BANK1: variants seen among roughly 807,000 people sequenced by gnomAD.
BANK1 encodes the protein B cell scaffold protein with ankyrin repeats 1, also known as B-cell scaffold protein with ankyrin repeats.
A neutral mutation model predicts 94.5 loss-of-function variants in BANK1; 95 were observed. That is an observed-to-expected ratio of 1.00 (90% CI 0.85 to 1.19). The LOEUF (loss-of-function observed/expected upper bound fraction) is 1.19. Ranked by LOEUF, BANK1 falls within the 50% of genes most tolerant of loss-of-function variation. BANK1 has a pLI of 0.00. For synonymous variants in BANK1, 334 were observed against 308.4 expected (o/e 1.08, Z -0.87); for missense variants, 987 against 932.2 (o/e 1.06, Z -0.77).
chr4:102,017,236 T>TA (rs76217661), intron 7 of BANK1, among the ~76,000 whole-genome samples: 1,857 of 152,326 alleles, frequency 0.012, 34 homozygotes, highest in East Asian at 0.065. Flanking sequence ...ATTTTAATTT[T>TA]TCATTCCATT....
intron 11 of BANK1, among the ~76,000 whole-genome samples, chr4:102,053,593 C>A (rs1728126003): frequency 6.6e-6 from 1 of 151,588 alleles, no homozygotes; most frequent in African/African-American, 2.4e-5. Context: ...GAGAAGATAG[C>A]CATTCTGTCA....
At chr4:101,800,967 A>C (rs1177821686) in intron 1 of BANK1, among the ~76,000 whole-genome samples, 3 of 152,162 alleles carry the variant, frequency 2.0e-5, no homozygotes, top group African/African-American at 7.2e-5. Context: ...CATTTTGGCC[A>C]GGCTGGTCTT....
chr4:102,006,356 C>T (rs967572173), intron 7 of BANK1, among the ~76,000 whole-genome samples: 2 of 151,996 alleles, frequency 1.3e-5, no homozygotes, highest in Non-Finnish European at 2.9e-5. Flanking sequence ...GGTCCCACTT[C>T]TAGAGATTCT....
intron 7 of BANK1, among the ~76,000 whole-genome samples, chr4:101,952,379 G>C (rs888875980): frequency 3.9e-5 from 6 of 152,010 alleles, no homozygotes; most frequent in Non-Finnish European, 8.8e-5. Context: ...TCTAATTACT[G>C]TGACTACCTG....
At chr4:101,938,584 T>G (rs1723647996) in intron 7 of BANK1, among the ~76,000 whole-genome samples, 1 of 151,514 alleles carries the variant, frequency 6.6e-6, no homozygotes, top group South Asian at 2.1e-4. Flanking sequence ...ATACCTACTA[T>G]GTACCCCAAA....
intron 3 of BANK1, among the ~76,000 whole-genome samples, chr4:101,860,627 C>T (rs535012138): frequency 9.2e-5 from 14 of 152,100 alleles, no homozygotes; most frequent in Non-Finnish European, 1.5e-4. Flanking sequence ...GATGGGGTTT[C>T]ACCATGTTGG....
At chr4:101,885,743 C>A (rs1479114948) in intron 5 of BANK1, among the ~76,000 whole-genome samples, 1 of 152,210 alleles carries the variant, frequency 6.6e-6, no homozygotes, top group Non-Finnish European at 1.5e-5. Flanking sequence ...ACAATGGGAA[C>A]ATGTTCTGAG....
chr4:101,881,299 G>T (rs182475295), intron 5 of BANK1, among the ~76,000 whole-genome samples: 26 of 151,786 alleles, frequency 1.7e-4, no homozygotes, highest in Non-Finnish European at 2.7e-4. Flanking sequence ...AAAAGAAGAC[G>T]TACAGATGGC....
intron 7 of BANK1, among the ~76,000 whole-genome samples, chr4:101,949,092 C>T (rs1484251904): frequency 6.6e-6 from 1 of 151,982 alleles, no homozygotes; most frequent in Non-Finnish European, 1.5e-5. Context: ...CTGTGGCCAG[C>T]TGACAGGTCA....
chr4:101,809,715 C>A (rs1249266603), intron 1 of BANK1, among the ~76,000 whole-genome samples: 1 of 152,152 alleles, frequency 6.6e-6, no homozygotes, highest in African/African-American at 2.4e-5. Flanking sequence ...ATATAAGCCA[C>A]TTAATCAGGG....
intron 7 of BANK1, among the ~76,000 whole-genome samples, chr4:101,920,514 T>G (rs1722968680): frequency 6.6e-6 from 1 of 151,986 alleles, no homozygotes; most frequent in Non-Finnish European, 1.5e-5. Context: ...TTCAGTGTTA[T>G]AATGACTTAG....
chr4:102,064,229 T>A (rs1728517470), intron 13 of BANK1, among the ~76,000 whole-genome samples: 1 of 152,176 alleles, frequency 6.6e-6, no homozygotes. Flanking sequence ...TATTATACAG[T>A]TATCTTTTTT....
chr4:101,971,147 T>C (rs1218488244), intron 7 of BANK1, among the ~76,000 whole-genome samples: 1 of 152,138 alleles, frequency 6.6e-6, no homozygotes, highest in Non-Finnish European at 1.5e-5. Context: ...TTTCTCAGTA[T>C]ACAGATCACT....
At chr4:101,810,686 A>G (rs1360259888) in intron 1 of BANK1, among the ~76,000 whole-genome samples, 1 of 152,200 alleles carries the variant, frequency 6.6e-6, no homozygotes, top group African/African-American at 2.4e-5. Context: ...ATTCTCATCA[A>G]TAATACTGTT....
chr4:101,895,873 C>T (rs1722056868), intron 6 of BANK1, among the ~76,000 whole-genome samples: 3 of 151,602 alleles, frequency 2.0e-5, no homozygotes, highest in African/African-American at 2.4e-5. Context: ...GAATAAAAAG[C>T]AGGCTATGTA....
intron 3 of BANK1, among the ~76,000 whole-genome samples, chr4:101,858,108 T>A (rs951741670): frequency 6.6e-6 from 1 of 152,210 alleles, no homozygotes; most frequent in Non-Finnish European, 1.5e-5. Context: ...TGACCTGATC[T>A]ATTTTTTAGT....
intron 1 of BANK1, among the ~76,000 whole-genome samples, chr4:101,803,418 C>T (rs1725421790): frequency 6.6e-6 from 1 of 151,936 alleles, no homozygotes. Flanking sequence ...TTCTTAAATT[C>T]CTTTAGATTA....
intron 7 of BANK1, among the ~76,000 whole-genome samples, chr4:101,944,086 G>A (rs567248695): frequency 6.6e-6 from 1 of 151,578 alleles, no homozygotes; most frequent in African/African-American, 2.4e-5. Context: ...GAGAGAGAGA[G>A]AAGCAGTGTG....
In BANK1 at chr4:101,862,602, A is replaced by G. The variant is rs1294460649; in HGVS notation, c.701A>G (p.Asn234Ser). 6.2e-7 allele frequency: 1 copy of G among 1,611,842 alleles called. No homozygotes were observed. The highest frequency in any genetic ancestry group is 1.3e-5 in the African/African-American group (1 of 74,866). Residue 234 changes from asparagine (N) to serine (S), a missense_variant, in exon 4 of 17, where the codon AAT (asparagine) becomes AGT (serine). By Grantham distance (46) the Asn-to-Ser change is conservative. Transcript: ENST00000322953. ...DTVEVEFTSS[N>S]KRIRTRPALW... ...GTAGAGGTTGAATTTACATCAAGTA[A>G]TAAGCGCATTAGAACACGGCCAGCC...
Sources: allele counts gnomAD v4.1 joint callset (sites outside exome capture counted in the v4.1 genomes callset), GRCh38; gene constraint gnomAD v4.1.1; transcripts MANE v1.5; gene names NCBI Gene and HGNC (gene_info 2026-07-23, HGNC 2026-07-21).